NKAIN2: variants seen among roughly 807,000 people sequenced by gnomAD.
NKAIN2 encodes the protein sodium/potassium transporting ATPase interacting 2, also known as sodium/potassium-transporting ATPase subunit beta-1-interacting protein 2.
A neutral mutation model predicts 32.6 loss-of-function variants in NKAIN2; 14 were observed. The observed-to-expected ratio is 0.43, with a 90% CI of 0.28 to 0.67. The LOEUF (loss-of-function observed/expected upper bound fraction) is 0.67, where lower values mean the gene tolerates loss of function less well. Among genes scored for constraint, NKAIN2 ranks in the 30% least tolerant of loss-of-function variants. The pLI is 0.17. For missense variants in NKAIN2, 198 were observed against 258.3 expected, an observed-to-expected ratio of 0.77 and a Z score of 1.60; for synonymous variants, 80 against 87.2, an observed-to-expected ratio of 0.92 and a Z score of 0.46.
intron 1 of NKAIN2, among the ~76,000 whole-genome samples, chr6:123,969,470 C>T (rs1372785751): frequency 6.6e-6 from 1 of 152,156 alleles, no homozygotes; most frequent in Non-Finnish European, 1.5e-5. Context: ...AGATGACTGG[C>T]ACACATTTAT....
At chr6:124,683,200 A>G (rs1303055720) in intron 4 of NKAIN2, among the ~76,000 whole-genome samples, 2 of 152,186 alleles carry the variant, frequency 1.3e-5, no homozygotes, top group Non-Finnish European at 2.9e-5. Context: ...CACTATTTCA[A>G]TCACATCCCA....
intron 4 of NKAIN2, among the ~76,000 whole-genome samples, chr6:124,683,272 T>C (rs1773707257): frequency 6.6e-6 from 1 of 152,150 alleles, no homozygotes; most frequent in South Asian, 2.1e-4. Context: ...AGCAGAAAAT[T>C]CCGTTCCTGT....
At chr6:124,823,070 G>A in intron 6 of NKAIN2, 150 bp from the exon 7 acceptor site, 2 of 684,794 alleles carry the variant, frequency 2.9e-6, no homozygotes, top group East Asian at 2.6e-5. Flanking sequence ...AAAAGAAAAG[G>A]AGGAAAATTA....
intron 3 of NKAIN2, among the ~76,000 whole-genome samples, chr6:124,420,374 AGAAGT>A (rs1374968793): frequency 6.6e-6 from 1 of 152,148 alleles, no homozygotes; most frequent in African/African-American, 2.4e-5. Flanking sequence ...ATTACTAGAA[AGAAGT>A]GAAGTGAAGG....
chr6:123,947,457 C>T (rs1006521229), intron 1 of NKAIN2, among the ~76,000 whole-genome samples: 13 of 152,120 alleles, frequency 8.5e-5, no homozygotes, highest in Non-Finnish European at 1.9e-4. Context: ...CTTCCCTTCA[C>T]TCCCCTATAC....
chr6:124,352,789 T>C (rs1798790789), intron 2 of NKAIN2, among the ~76,000 whole-genome samples: 1 of 152,210 alleles, frequency 6.6e-6, no homozygotes. Context: ...CTTAGATCTC[T>C]GTTCTATAAC....
At chr6:124,220,896 C>T (rs375787835) in intron 1 of NKAIN2, among the ~76,000 whole-genome samples, 19 of 152,050 alleles carry the variant, frequency 1.2e-4, no homozygotes, top group African/African-American at 3.1e-4. Flanking sequence ...AAACTCTTCA[C>T]GTATTTAGAT....
intron 3 of NKAIN2, among the ~76,000 whole-genome samples, chr6:124,521,016 T>C (rs1779098050): frequency 6.6e-6 from 1 of 152,218 alleles, no homozygotes; most frequent in Non-Finnish European, 1.5e-5. Context: ...TTATTTCTAG[T>C]AGCTTTTTTG....
chr6:124,249,259 T>G (rs1793570149), intron 1 of NKAIN2, among the ~76,000 whole-genome samples: 1 of 152,068 alleles, frequency 6.6e-6, no homozygotes, highest in Admixed American at 6.6e-5. Context: ...ATACAAGGTT[T>G]GCCTGACAGC....
At chr6:124,744,337 T>G (rs1158611567) in intron 4 of NKAIN2, among the ~76,000 whole-genome samples, 1 of 151,920 alleles carries the variant, frequency 6.6e-6, no homozygotes, top group Non-Finnish European at 1.5e-5. Flanking sequence ...GGATTTAGTT[T>G]ATAAGACCAT....
chr6:123,976,005 A>C (rs1222684882), intron 1 of NKAIN2, among the ~76,000 whole-genome samples: 1 of 151,634 alleles, frequency 6.6e-6, no homozygotes, highest in Non-Finnish European at 1.5e-5. Context: ...ATGATGGTGA[A>C]TAAGTCTCAC....
intron 1 of NKAIN2, among the ~76,000 whole-genome samples, chr6:124,270,969 A>T (rs1794734637): frequency 6.6e-6 from 1 of 152,102 alleles, no homozygotes; most frequent in Non-Finnish European, 1.5e-5. Flanking sequence ...TGTAATCCGC[A>T]TGTGTTAAGG....
At chr6:124,795,397 G>A (rs1779954098) in intron 5 of NKAIN2, among the ~76,000 whole-genome samples, 1 of 152,124 alleles carries the variant, frequency 6.6e-6, no homozygotes, top group Non-Finnish European at 1.5e-5. Context: ...AGCTCAATGA[G>A]CAAAGACTCA....
At chr6:123,878,484 G>A (rs1328673307) in intron 1 of NKAIN2, among the ~76,000 whole-genome samples, 2 of 151,736 alleles carry the variant, frequency 1.3e-5, no homozygotes, top group African/African-American at 2.4e-5. Flanking sequence ...TATTTTTATT[G>A]CCATTGATTT....
intron 5 of NKAIN2, among the ~76,000 whole-genome samples, chr6:124,804,830 C>T (rs1440909437): frequency 6.6e-6 from 1 of 152,172 alleles, no homozygotes; most frequent in Non-Finnish European, 1.5e-5. Flanking sequence ...AATGGCGCAC[C>T]AGGAGATTAT....
At chr6:124,404,633 T>C (rs553719615) in intron 3 of NKAIN2, among the ~76,000 whole-genome samples, 2 of 152,150 alleles carry the variant, frequency 1.3e-5, no homozygotes, top group African/African-American at 4.8e-5. Context: ...TTTTTTTTAA[T>C]GTAAACGACT....
At chr6:124,364,551 T>C (rs1799437124) in intron 3 of NKAIN2, among the ~76,000 whole-genome samples, 1 of 151,964 alleles carries the variant, frequency 6.6e-6, no homozygotes, top group African/African-American at 2.4e-5. Flanking sequence ...GCAAAAAGAC[T>C]GACAGTTGAC....
chr6:124,663,935 C>CTAA (rs1490158235), intron 4 of NKAIN2, among the ~76,000 whole-genome samples: 1 of 152,056 alleles, frequency 6.6e-6, no homozygotes, highest in African/African-American at 2.4e-5. Context: ...AATGCTTAAA[C>CTAA]CTTAAGGAGA....
At chr6:124,254,112 C>A (rs1793815712) in intron 1 of NKAIN2, among the ~76,000 whole-genome samples, 3 of 151,788 alleles carry the variant, frequency 2.0e-5, no homozygotes, top group Non-Finnish European at 4.4e-5. Flanking sequence ...GCCACCGCTC[C>A]CGGCTAATTT....
Sources: allele counts gnomAD v4.1 joint callset (sites outside exome capture counted in the v4.1 genomes callset), GRCh38; gene constraint gnomAD v4.1.1; transcripts MANE v1.5; gene names NCBI Gene and HGNC (gene_info 2026-07-23, HGNC 2026-07-21).